Variants in IMMP2L observed in about 807,000 individuals in gnomAD.
IMMP2L encodes inner mitochondrial membrane peptidase subunit 2, also known as mitochondrial inner membrane protease subunit 2.
IMMP2L carries 18 observed loss-of-function variants against 19.3 expected under a neutral mutation model. The observed-to-expected ratio is 0.93, with a 90% CI of 0.64 to 1.38. The LOEUF is 1.38. IMMP2L is among the 40% of genes most tolerant of loss of function. IMMP2L has a pLI of 0.00. For synonymous variants in IMMP2L, 76 were observed against 73.0 expected, an observed-to-expected ratio of 1.04 and a Z score of -0.21; for missense variants, 233 against 218.2, an observed-to-expected ratio of 1.07 and a Z score of -0.43.
chr7:111,184,945 T>C (rs1305699577), intron 3 of IMMP2L, among the ~76,000 whole-genome samples: 1 of 152,148 alleles, frequency 6.6e-6, no homozygotes, highest in Non-Finnish European at 1.5e-5. Context: ...CCAATAAATA[T>C]CCTGCTAATA....
intron 3 of IMMP2L, among the ~76,000 whole-genome samples, chr7:111,302,548 T>A (rs994776059): frequency 2.0e-5 from 3 of 152,116 alleles, no homozygotes; most frequent in African/African-American, 7.2e-5. Context: ...TCAGTCTTCA[T>A]GATAACCCTA....
chr7:111,286,007 T>C (rs1479953948), intron 3 of IMMP2L, among the ~76,000 whole-genome samples: 2 of 152,180 alleles, frequency 1.3e-5, no homozygotes, highest in Non-Finnish European at 2.9e-5. Context: ...AAGCTTACAC[T>C]TGTAGGTTGT....
At chr7:111,331,973 A>G (rs960996483) in intron 3 of IMMP2L, among the ~76,000 whole-genome samples, 2 of 151,908 alleles carry the variant, frequency 1.3e-5, no homozygotes, top group Non-Finnish European at 2.9e-5. Flanking sequence ...ATTTATTTGT[A>G]GGTATAAGAC....
intron 3 of IMMP2L, among the ~76,000 whole-genome samples, chr7:111,354,573 T>G (rs558353152): frequency 6.6e-6 from 1 of 151,112 alleles, no homozygotes; most frequent in African/African-American, 2.4e-5. Context: ...AAAATTGAGA[T>G]GTATAAGGCT....
chr7:110,893,554 A>AT (rs1811030835), intron 4 of IMMP2L, among the ~76,000 whole-genome samples: 1 of 152,138 alleles, frequency 6.6e-6, no homozygotes, highest in African/African-American at 2.4e-5. Context: ...GATGTTTCTA[A>AT]TTTTTGACTT....
At chr7:111,280,711 T>G (rs1328514851) in intron 3 of IMMP2L, among the ~76,000 whole-genome samples, 1 of 152,154 alleles carries the variant, frequency 6.6e-6, no homozygotes, top group African/African-American at 2.4e-5. Context: ...CGCCTCTTAC[T>G]AAAAACTTAG....
intron 4 of IMMP2L, among the ~76,000 whole-genome samples, chr7:110,957,859 C>CTACCCCCT (rs1818521128): frequency 6.6e-6 from 1 of 152,012 alleles, no homozygotes; most frequent in African/African-American, 2.4e-5. Context: ...CCATTTCTCT[C>CTACCCCCT]TACCCCCTTT....
chr7:111,034,892 T>C (rs1309360487), intron 3 of IMMP2L, among the ~76,000 whole-genome samples: 2 of 152,146 alleles, frequency 1.3e-5, no homozygotes, highest in Non-Finnish European at 2.9e-5. Context: ...TAGTAAGAGC[T>C]GAGTAAACAT....
At chr7:111,502,553 T>C (rs982016548) in intron 2 of IMMP2L, among the ~76,000 whole-genome samples, 6 of 152,118 alleles carry the variant, frequency 3.9e-5, no homozygotes, top group South Asian at 2.1e-4. Flanking sequence ...TATTCCAAAA[T>C]TGACCACATA....
chr7:110,788,069 C>A (rs1170988323), intron 5 of IMMP2L, among the ~76,000 whole-genome samples: 2 of 151,772 alleles, frequency 1.3e-5, no homozygotes, highest in Non-Finnish European at 2.9e-5. Context: ...ACTTTTTTTC[C>A]CCACTAGTTT....
chr7:110,883,585 T>C (rs1024844641), intron 5 of IMMP2L, among the ~76,000 whole-genome samples: 2 of 152,170 alleles, frequency 1.3e-5, no homozygotes, highest in Admixed American at 6.5e-5. Context: ...ATTCCCTGCA[T>C]ACAAATTGTT....
rs1162409602 is a variant in IMMP2L at position 111,539,215 on chromosome 7, A to G, written c.-2-17766T>C. On this transcript the variant is annotated intron_variant, in intron 1 of 5. Coordinates refer to ENST00000405709, the MANE Select transcript of IMMP2L (RefSeq NM_032549.4). ...AGGAGGGAGAAAGAAAGAAAGAAAG[A>G]AAGAAAGAAAGAAAGAAAGAAAGAA... 4.9e-4 allele frequency among the ~76,000 whole-genome samples: 48 copies of G among 98,648 alleles called. 3 individuals carry two copies. Among genetic ancestry groups the G allele is most frequent in the African/African-American group, 1.8e-3 (41 of 23,116 alleles). 64.7% of individuals were successfully genotyped at this position (98,648 alleles called of 152,430 possible). A position where few individuals can be genotyped will look rare whatever the true frequency, so the allele number is the denominator to read the frequency against.
chr7:110,742,719 G>T (rs994051853), intron 5 of IMMP2L, among the ~76,000 whole-genome samples: 1 of 143,328 alleles, frequency 7.0e-6, no homozygotes, highest in African/African-American at 2.6e-5. Context: ...GTGCGCCAGA[G>T]ATCACACCAC....
At chr7:110,767,537 C>G (rs1798748881) in intron 5 of IMMP2L, among the ~76,000 whole-genome samples, 1 of 152,156 alleles carries the variant, frequency 6.6e-6, no homozygotes. Flanking sequence ...ACTTCTCCTG[C>G]ACACATCTCT....
chr7:111,541,908 T>A (rs1354510215), intron 1 of IMMP2L, among the ~76,000 whole-genome samples: 1 of 152,062 alleles, frequency 6.6e-6, no homozygotes, highest in Non-Finnish European at 1.5e-5. Context: ...AAATTTCACC[T>A]CTTCATACAT....
chr7:111,222,447 A>G (rs1812622517), intron 3 of IMMP2L, among the ~76,000 whole-genome samples: 1 of 152,040 alleles, frequency 6.6e-6, no homozygotes, highest in Admixed American at 6.6e-5. Context: ...TATCCAGAAT[A>G]TAAAAGGACA....
At chr7:111,007,665 A>G (rs1332817097) in intron 3 of IMMP2L, among the ~76,000 whole-genome samples, 1 of 152,102 alleles carries the variant, frequency 6.6e-6, no homozygotes, top group Admixed American at 6.6e-5. Context: ...ATGTACACAT[A>G]TAGACATGTA....
At chr7:110,714,145 G>A (rs970303750) in intron 5 of IMMP2L, among the ~76,000 whole-genome samples, 3 of 152,086 alleles carry the variant, frequency 2.0e-5, no homozygotes, top group African/African-American at 4.8e-5. Context: ...AAGAGATGTT[G>A]GATTTTATTG....
At chr7:111,289,798 G>C (rs1292902543) in intron 3 of IMMP2L, among the ~76,000 whole-genome samples, 2 of 151,760 alleles carry the variant, frequency 1.3e-5, no homozygotes, top group Non-Finnish European at 2.9e-5. Context: ...CTTTTCTCCA[G>C]CCTCAGTATA....
Sources: gnomAD v4.1 joint callset for allele counts (sites outside exome capture counted in the v4.1 genomes callset) on GRCh38, gnomAD v4.1.1 for gene constraint, MANE v1.5 for transcripts, NCBI Gene and HGNC (gene_info 2026-07-23, HGNC 2026-07-21) for gene names.